Variants in PPP1R13B observed in about 807,000 individuals in gnomAD.
PPP1R13B encodes the protein apoptosis-stimulating of p53 protein 1.
In PPP1R13B, 44 loss-of-function variants were observed where a neutral mutation model predicts 119.8. That is an observed-to-expected ratio of 0.37 (90% CI 0.29 to 0.47). The LOEUF is 0.47. Among genes scored for constraint, PPP1R13B ranks in the 20% least tolerant of loss-of-function variants. The probability of loss-of-function intolerance (pLI) is 0.99; values close to 1 mark genes in which losing one functional copy is unlikely to be tolerated. For missense variants in PPP1R13B, 1,227 were observed against 1,413.5 expected, an observed-to-expected ratio of 0.87 and a Z score of 2.12; for synonymous variants, 542 against 561.5, an observed-to-expected ratio of 0.97 and a Z score of 0.49.
At chr14:103,793,752 C>T (rs903043466) in intron 2 of PPP1R13B, among the ~76,000 whole-genome samples, 2 of 152,178 alleles carry the variant, frequency 1.3e-5, no homozygotes, top group African/African-American at 4.8e-5. Context: ...GTTTTATCTA[C>T]CTTACTGACT....
intron 3 of PPP1R13B, among the ~76,000 whole-genome samples, chr14:103,782,528 G>GT (rs1271866523): frequency 2.0e-5 from 3 of 152,186 alleles, no homozygotes; most frequent in African/African-American, 7.2e-5. Context: ...TTTATGTTTT[G>GT]TAAGTTTAAC....
chr14:103,799,593 G>A (rs1023707966), intron 1 of PPP1R13B, among the ~76,000 whole-genome samples: 6 of 150,336 alleles, frequency 4.0e-5, no homozygotes, highest in Non-Finnish European at 5.9e-5. Flanking sequence ...GATTATAGGC[G>A]TGAGCCACTG....
At chr14:103,847,781 G>C (rs1459444102), upstream of PPP1R13B, 2 of 314,032 alleles carry the variant, frequency 6.4e-6, no homozygotes, top group Non-Finnish European at 9.2e-6. Flanking sequence ...CGGGGGAGGG[G>C]CGGACGCGCA....
At chr14:103,744,816 G>C (rs2024668) in intron 9 of PPP1R13B, among the ~76,000 whole-genome samples, 6,248 of 152,230 alleles carry the variant, frequency 0.041, 372 homozygotes, top group African/African-American at 0.13. Context: ...CTGCTGCCCC[G>C]ACTCTGAAGG....
rs1197906204 is a variant in PPP1R13B at position 103,741,831 on chromosome 14, T to C, written c.1781A>G (p.Gln594Arg). 1.9e-6 allele frequency: 3 copies of C among 1,614,230 alleles called. No individual in the cohort carries two copies. In the South Asian group the frequency reaches 3.3e-5, roughly 18 times the overall value. ...ATTTAAGGCGCTGTGTGCTGCCGGC[T>C]GGTAATTCTTAGGTGGTGTGGCTTG... ...LQQATPPKNYQPAAHSALNKS... is the reference protein window; with the variant it reads ...LQQATPPKNYRPAAHSALNKS... The change falls in exon 11 of 17, where the codon CAG becomes CGG. Residue 594 changes from glutamine (Q) to arginine (R), a missense_variant. Gln to Arg is a conservative substitution (Grantham distance 43). Coordinates refer to ENST00000202556, the MANE Select transcript of PPP1R13B (RefSeq NM_015316.3).
chr14:103,797,270 C>G, intron 2 of PPP1R13B, 101 bp downstream of exon 2: 1 of 1,221,402 alleles, frequency 8.2e-7, no homozygotes, highest in Non-Finnish European at 1.1e-6. Context: ...ACTTTTTTTC[C>G]CCATCTTTAT....
chr14:103,802,963 A>C (rs2085935934), intron 1 of PPP1R13B, among the ~76,000 whole-genome samples: 1 of 152,168 alleles, frequency 6.6e-6, no homozygotes, highest in Non-Finnish European at 1.5e-5. Flanking sequence ...AGCTAATTTC[A>C]TTATAATCAT....
intron 1 of PPP1R13B, chr14:103,847,027 G>C (rs1367065755): frequency 8.9e-7 from 1 of 1,129,778 alleles, no homozygotes; most frequent in Non-Finnish European, 1.1e-6. Context: ...CCGAGGAGAT[G>C]ACCGGCCCCA....
chr14:103,746,632 C>T, intron 8 of PPP1R13B, 79 bp from the exon 9 acceptor site: 1 of 1,272,420 alleles, frequency 7.9e-7, no homozygotes, highest in Non-Finnish European at 1.1e-6. Context: ...AGACTGCCAG[C>T]TCGGACAGAA....
At position 103,733,825 on chromosome 14, in the gene PPP1R13B, T is replaced by C. The variant is rs1319349917; in HGVS notation, c.*1329A>G. 6.6e-6 allele frequency: 1 copy of C among 152,330 alleles called. No individual in the cohort carries two copies. The highest frequency in any genetic ancestry group is 1.9e-4 in the East Asian group (1 of 5,204). The allele number at this position is 152,330 out of a possible 1,614,324, so 9.4% of individuals were successfully genotyped here. A position where few individuals can be genotyped will look rare whatever the true frequency, so the allele number is the denominator to read the frequency against. Reference sequence around the variant, plus strand: ...TCTGGGCTGGCAGCGGCCATGCTCCTGTGGTCGGGCTGCTCTACAAGGGCG... The same window carrying C: ...TCTGGGCTGGCAGCGGCCATGCTCCCGTGGTCGGGCTGCTCTACAAGGGCG... On this transcript the variant is annotated 3_prime_UTR_variant, in exon 17 of 17. Transcript: ENST00000202556.
At chr14:103,770,437 C>T (rs149717160) in intron 4 of PPP1R13B, among the ~76,000 whole-genome samples, 235 of 152,154 alleles carry the variant, frequency 1.5e-3, no homozygotes, top group African/African-American at 5.4e-3. Flanking sequence ...ATTACTTGAA[C>T]CTGGGAGGCA....
rs1306777891 is a variant in PPP1R13B at position 103,847,448 on chromosome 14, C to A, written c.-141G>T. The A allele has an allele frequency of 1.9e-5, 19 of 1,001,804 alleles. No individual in the cohort carries two copies. The highest frequency in any genetic ancestry group is 2.3e-5 in the Non-Finnish European group (19 of 842,034). The allele number at this position is 1,001,804 out of a possible 1,614,324, so 62.1% of individuals were successfully genotyped here. ...CCCGGCCGCGGCGAGGCGGCAGCTG[C>A]GGCGGGCTGCGGGGCTCTCGCTGGC... On this transcript the variant is annotated 5_prime_UTR_variant, in exon 1 of 17. Transcript: ENST00000202556.
rs1230596335 is a variant in PPP1R13B, at chr14:103,733,709, G to A, written c.*1445C>T. On this transcript the variant is annotated 3_prime_UTR_variant, in exon 17 of 17. Coordinates refer to ENST00000202556, the MANE Select transcript of PPP1R13B (RefSeq NM_015316.3). The stretch of plus-strand genomic sequence containing the variant: ...CTGTGTCCAGATCACCTGAACCCTC[G>A]TGCCACAGCGCAGTCTGGGTCCAGA... 1.3e-5 allele frequency: 2 copies of A among 152,450 alleles called. No homozygotes were observed. The highest frequency in any genetic ancestry group is 4.8e-5 in the African/African-American group (2 of 41,434). 9.4% of individuals were successfully genotyped at this position (152,450 alleles called of 1,614,324 possible). A position where few individuals can be genotyped will look rare whatever the true frequency, so the allele number is the denominator to read the frequency against.
intron 1 of PPP1R13B, among the ~76,000 whole-genome samples, chr14:103,798,192 C>T (rs2085806966): frequency 7.1e-6 from 1 of 139,912 alleles, no homozygotes; most frequent in South Asian, 2.2e-4. Context: ...TGCTCTGTCG[C>T]CCAGGCTGGA....
chr14:103,814,522 G>T lies in PPP1R13B; in HGVS notation c.10-17004C>A, dbSNP rs150439702. On this transcript the variant is annotated intron_variant, in intron 1 of 16. Coordinates refer to ENST00000202556, the MANE Select transcript of PPP1R13B (RefSeq NM_015316.3). ...AGATAAGGCAGTAAAAGTTTCAATG[G>T]GCTGAGCCCCGTGGCTCACACTTAT... 9.7e-4 allele frequency among the ~76,000 whole-genome samples: 148 copies of T among 152,138 alleles called. 2 individuals carry two copies. Among genetic ancestry groups the T allele is most frequent in the East Asian group, 8.5e-3 (44 of 5,184 alleles).
In PPP1R13B at chr14:103,784,839, A is replaced by T. The variant is rs2085419686; in HGVS notation, c.233T>A (p.Phe78Tyr). 1 of 1,608,554 alleles carries T rather than the reference A, an allele frequency of 6.2e-7. No individual in the cohort carries two copies. The highest frequency in any genetic ancestry group is 1.1e-5 in the South Asian group (1 of 90,530). The change falls in exon 3 of 17, where the codon TTT (phenylalanine) becomes TAT (tyrosine). Residue 78 changes from phenylalanine to tyrosine, a missense_variant. Phe to Tyr is a conservative substitution (Grantham distance 22). Coordinates refer to ENST00000202556, the MANE Select transcript of PPP1R13B (RefSeq NM_015316.3). ...KWGPRREEVK[F>Y]FLRHEDSPTE... ...TGGGGAGTCCTCGTGTCGAAGGAAA[A>T]ATTTCACTTCTTCCCTCCGTGGACC...
chr14:103,760,403 C>CGGA (rs2084776275), intron 4 of PPP1R13B, among the ~76,000 whole-genome samples: 2 of 152,162 alleles, frequency 1.3e-5, no homozygotes, highest in African/African-American at 4.8e-5. Context: ...AAACCCTGTT[C>CGGA]CCTCAGGCAA....
At chr14:103,848,806 TG>T (rs1460482578), upstream of PPP1R13B, among the ~76,000 whole-genome samples, 1 of 141,014 alleles carries the variant, frequency 7.1e-6, no homozygotes, top group Non-Finnish European at 1.5e-5. Context: ...GGCTCGTGTT[TG>T]CGAGTGTGGA....
intron 4 of PPP1R13B, among the ~76,000 whole-genome samples, chr14:103,773,894 G>A (rs2085124388): frequency 6.6e-6 from 1 of 152,128 alleles, no homozygotes; most frequent in African/African-American, 2.4e-5. Context: ...ATGTTATCTG[G>A]CCTAGGAGAT....
Sources: allele counts gnomAD v4.1 joint callset (sites outside exome capture counted in the v4.1 genomes callset), GRCh38; gene constraint gnomAD v4.1.1; transcripts MANE v1.5; gene names NCBI Gene and HGNC (gene_info 2026-07-23, HGNC 2026-07-21).